Variants in GCN1 observed in about 807,000 individuals in gnomAD.
GCN1 encodes the protein stalled ribosome sensor GCN1.
Under a neutral mutation model 288.4 loss-of-function variants are expected in GCN1, and 90 were observed. The observed-to-expected ratio is 0.31, with a 90% confidence interval of 0.26 to 0.37. GCN1 has a LOEUF of 0.37. Ranked by LOEUF, GCN1 falls within the 10% of genes least tolerant of loss-of-function variation. GCN1 has a pLI of 1.00. For missense variants in GCN1, 2,586 were observed against 3,419.9 expected (o/e 0.76, Z 6.08); for synonymous variants, 1,386 against 1,420.2 (o/e 0.98, Z 0.54).
intron 5 of GCN1, among the ~76,000 whole-genome samples, chr12:120,179,665 C>T (rs746976399): frequency 5.5e-4 from 83 of 152,102 alleles, no homozygotes; most frequent in Non-Finnish European, 1.2e-3. Flanking sequence ...TCCCAAAGTG[C>T]TGGGATTACA....
At chr12:120,164,227 C>T in intron 18 of GCN1, 109 bp downstream of exon 18, 1 of 845,424 alleles carries the variant, frequency 1.2e-6, no homozygotes, top group Non-Finnish European at 1.9e-6. Flanking sequence ...TGGCATCACA[C>T]AGATTAAGAA....
chr12:120,167,469 T>C (rs914743564), intron 16 of GCN1, among the ~76,000 whole-genome samples: 2 of 150,898 alleles, frequency 1.3e-5, no homozygotes, highest in African/African-American at 4.9e-5. Flanking sequence ...GTAAAAAAGG[T>C]ACAGAACAAA....
rs1326065330 is a variant in GCN1 at position 120,184,899 on chromosome 12, G to C, written c.122-12C>G. ...TCCCTCTGGAAGATCTGAAACCAGA[G>C]ATTACACAGACAGCGGTCAATAAAA... On this transcript the variant is annotated splice_polypyrimidine_tract_variant and intron_variant, in intron 2 of 57. Coordinates refer to ENST00000300648, the MANE Select transcript of GCN1 (RefSeq NM_006836.2). The C allele has an allele frequency of 6.3e-7, 1 of 1,591,544 alleles. No homozygotes were observed. The highest frequency in any genetic ancestry group is 8.6e-7 in the Non-Finnish European group (1 of 1,160,276).
chr12:120,159,998 A>G lies in GCN1; in HGVS notation c.2576T>C (p.Leu859Pro). ...QELDGELEAA[L>P]GLLDIILAKN... ...GGCCAGGATGATGTCCAGCAGTCCA[A>G]GCGCCGCCTCCAGCTCCCCATCCAG... is the stretch of plus-strand genomic sequence containing the variant. The change falls in exon 24 of 58, where the codon CTT becomes CCT. Residue 859 changes from leucine (L) to proline (P), a missense_variant. Leu to Pro is a moderately conservative substitution (Grantham distance 98, BLOSUM62 -3). Transcript: ENST00000300648. 1 of 1,614,122 alleles carries G rather than the reference A, an allele frequency of 6.2e-7. No homozygotes were observed. The highest frequency in any genetic ancestry group is 1.1e-5 in the South Asian group (1 of 91,078).
intron 2 of GCN1, among the ~76,000 whole-genome samples, chr12:120,186,704 G>A (rs1878831841): frequency 6.6e-6 from 1 of 152,222 alleles, no homozygotes; most frequent in Admixed American, 6.5e-5. Context: ...CCAGAAACAG[G>A]TTGTGGCTAA....
intron 10 of GCN1, 62 bp from the exon 11 acceptor site, chr12:120,175,936 T>G: frequency 1.3e-6 from 2 of 1,569,404 alleles, no homozygotes; most frequent in Middle Eastern, 1.7e-4. Flanking sequence ...CTTTCGTCTT[T>G]GTCTTTTCCA....
intron 45 of GCN1, among the ~76,000 whole-genome samples, chr12:120,140,559 A>G (rs908621082): frequency 2.0e-5 from 3 of 152,148 alleles, no homozygotes; most frequent in African/African-American, 7.2e-5. Flanking sequence ...AGCATCACAA[A>G]AGAGACTGAT....
intron 5 of GCN1, among the ~76,000 whole-genome samples, chr12:120,183,292 T>C (rs974093081): frequency 6.6e-6 from 1 of 152,228 alleles, no homozygotes; most frequent in African/African-American, 2.4e-5. Flanking sequence ...CTTCCACACA[T>C]GCCATGAAAT....
chr12:120,134,140 T>C lies in GCN1; in HGVS notation c.7317+151A>G, dbSNP rs1244139747. The C allele has an allele frequency of 5.1e-6, 3 of 591,650 alleles. No individual in the cohort carries two copies. The highest frequency in any genetic ancestry group is 6.1e-6 in the Non-Finnish European group (2 of 329,452). 36.7% of individuals were successfully genotyped at this position (591,650 alleles called of 1,614,324 possible). A position where few individuals can be genotyped will look rare whatever the true frequency, so the allele number is the denominator to read the frequency against. Reference sequence around the variant, plus strand: ...CCGTTTCCCTTGAAACCCGAGGAAATGTTGGTGAAGCATACAGGGTGATAG... The same window carrying C: ...CCGTTTCCCTTGAAACCCGAGGAAACGTTGGTGAAGCATACAGGGTGATAG... On this transcript the variant is annotated intron_variant, in intron 53 of 57. Coordinates refer to ENST00000300648, the MANE Select transcript of GCN1 (RefSeq NM_006836.2). The surrounding 1 kb of genome is among the most constrained non-coding windows in gnomAD (Gnocchi z 5.0).
chr12:120,178,965 G>T lies in GCN1; in HGVS notation c.427-15C>A. ...TGCACTTCCACCTGCCAGGACCAGG[G>T]AAGACTCAGGTCAAGGTGGGACATG... On this transcript the variant is annotated splice_polypyrimidine_tract_variant and intron_variant, in intron 5 of 57. Coordinates refer to ENST00000300648, the MANE Select transcript of GCN1 (RefSeq NM_006836.2). The T allele has an allele frequency of 6.2e-7, 1 of 1,607,376 alleles. No homozygotes were observed. Among genetic ancestry groups the T allele is most frequent in the Non-Finnish European group, 8.5e-7 (1 of 1,176,130 alleles).
intron 24 of GCN1, among the ~76,000 whole-genome samples, chr12:120,159,381 A>T (rs1279713693): frequency 6.6e-6 from 1 of 152,168 alleles, no homozygotes; most frequent in Non-Finnish European, 1.5e-5. Context: ...CCACAGAAGC[A>T]AGGCCACCAG....
Position 120,134,570 on chromosome 12 carries a change from G to A in GCN1, c.7165C>T (p.Leu2389Phe), listed in dbSNP as rs187711408. Residue 2389 changes from leucine (L) to phenylalanine (F), a missense_variant, in exon 52 of 58, where the codon CTC becomes TTC. Physicochemically the swap from Leu to Phe is conservative, Grantham distance 22. This residue lies in a region of GCN1 where 355 missense variants were observed against 431.1 expected (regional missense o/e 0.82). Transcript: ENST00000300648. This position sits in a 1 kb window ranked among gnomAD's most constrained non-coding sequence, Gnocchi z 5.0. ...IKVDPLFTEL[L>F]NGIRAMEDPG... is the part of the protein sequence containing the mutation. ...TCCTCCATGGCGCGGATGCCATTGA[G>A]CAGCTCTGTGAAGAGGGGGTCCACC... The A allele has an allele frequency of 1.9e-5, 31 of 1,614,218 alleles. No homozygotes were observed. In the African/African-American group the frequency reaches 3.7e-4, roughly 19 times the overall value.
At chr12:120,188,134 T>C (rs1443802358) in intron 2 of GCN1, among the ~76,000 whole-genome samples, 4 of 152,092 alleles carry the variant, frequency 2.6e-5, no homozygotes, top group Non-Finnish European at 5.9e-5. Flanking sequence ...CAAGAGGACA[T>C]CAAAAACATG....
At position 120,142,119 on chromosome 12, in the gene GCN1, G is replaced by A. The variant is rs1444370109; in HGVS notation, c.5829+388C>T. Reference sequence around the variant, plus strand: ...AGACGGGCGCATCACGAGGTCAGGAGATCGAGACCGTCCTGGCTAACGTGC... The same window carrying A: ...AGACGGGCGCATCACGAGGTCAGGAAATCGAGACCGTCCTGGCTAACGTGC... On this transcript the variant is annotated intron_variant, in intron 44 of 57. Transcript: ENST00000300648. The surrounding 1 kb of genome is among the most constrained non-coding windows in gnomAD (Gnocchi z 4.9). 6.6e-6 allele frequency among the ~76,000 whole-genome samples: 1 copy of A among 152,146 alleles called. No individual in the cohort carries two copies. The highest frequency in any genetic ancestry group is 1.5e-5 in the Non-Finnish European group (1 of 68,042).
chr12:120,168,163 G>T (rs763919192), intron 16 of GCN1, 45 bp downstream of exon 16: 2 of 1,140,522 alleles, frequency 1.8e-6, no homozygotes, highest in South Asian at 1.2e-5. Flanking sequence ...TTTCCAAAGA[G>T]ACTTTGCCTC....
At chr12:120,174,029 G>T in intron 13 of GCN1, 42 bp downstream of exon 13, 1 of 1,245,980 alleles carries the variant, frequency 8.0e-7, no homozygotes, top group Non-Finnish European at 1.2e-6. Flanking sequence ...CACGGTCAAG[G>T]ATGAGTACAG....
At chr12:120,165,712 G>T (rs1470706853) in intron 16 of GCN1, among the ~76,000 whole-genome samples, 2 of 151,154 alleles carry the variant, frequency 1.3e-5, no homozygotes, top group Non-Finnish European at 2.9e-5. Context: ...GACCTCAAGT[G>T]ATCAGTCCAC....
At position 120,137,774 on chromosome 12, in the gene GCN1, T is replaced by C. The variant is rs369196343; in HGVS notation, c.6434A>G (p.Asp2145Gly). 9 of 1,614,012 alleles carry C rather than the reference T, an allele frequency of 5.6e-6. No individual in the cohort carries two copies. Among genetic ancestry groups the C allele is most frequent in the Non-Finnish European group, 7.6e-6 (9 of 1,179,970 alleles). Reference sequence around the variant, plus strand: ...GATGATGATCCGGTGCCCTGTGTCATCCTCTACGGAGAGGATCACAGCCTG... The same window carrying C: ...GATGATGATCCGGTGCCCTGTGTCACCCTCTACGGAGAGGATCACAGCCTG... ...NCQAVILSVE[D>G]DTGHRIIIED... Residue 2145 changes from aspartate to glycine, a missense_variant, in exon 49 of 58, where the codon GAT becomes GGT. Around this residue, in one of 8 missense-constraint regions of GCN1, gnomAD observed 437 missense variants for 570.5 expected, o/e 0.77. Transcript: ENST00000300648. This position sits in a 1 kb window ranked among gnomAD's most constrained non-coding sequence, Gnocchi z 5.2.
intron 2 of GCN1, among the ~76,000 whole-genome samples, chr12:120,186,402 G>T (rs1246552955): frequency 1.3e-5 from 2 of 152,026 alleles, no homozygotes; most frequent in Non-Finnish European, 2.9e-5. Flanking sequence ...GCTCAATAAT[G>T]TTGGAAAGCC....
Sources: gnomAD v4.1 joint callset for allele counts (sites outside exome capture counted in the v4.1 genomes callset) on GRCh38, gnomAD v4.1.1 for gene constraint, gnomAD v4.1.1 regional missense constraint, Gnocchi (gnomAD v3.1) non-coding constraint, MANE v1.5 for transcripts, NCBI Gene and HGNC (gene_info 2026-07-23, HGNC 2026-07-21) for gene names.